The following TNPO1 variants were observed in gnomAD, a reference collection of about 807,000 sequenced individuals.
TNPO1 encodes the protein transportin 1, also known as transportin-1.
A neutral mutation model predicts 119.5 loss-of-function variants in TNPO1; 8 were observed. The ratio of observed to expected loss-of-function variants is 0.07; its 90% CI spans 0.04 to 0.12. TNPO1 has a LOEUF of 0.12. Ranked by LOEUF, TNPO1 falls within the 10% of genes least tolerant of loss-of-function variation. The pLI is 1.00. For missense variants in TNPO1, 576 were observed against 1,089.8 expected (o/e 0.53, Z 6.64); for synonymous variants, 362 against 363.0 (o/e 1.00, Z 0.03).
chr5:72,900,942 TA>T, intron 21 of TNPO1, 31 bp from the exon 22 acceptor site: 2 of 1,510,412 alleles, frequency 1.3e-6, no homozygotes, highest in South Asian at 1.2e-5. Flanking sequence ...GCTTGTTACT[TA>T]AATGCTAAAC....
intron 18 of TNPO1, among the ~76,000 whole-genome samples, chr5:72,896,084 C>T (rs1039789019): frequency 6.6e-6 from 1 of 151,834 alleles, no homozygotes; most frequent in Admixed American, 6.6e-5. Context: ...GTGAAAATTG[C>T]TTTAAAAGCC....
intron 5 of TNPO1, among the ~76,000 whole-genome samples, chr5:72,862,993 TG>T (rs1561320672): frequency 1.1e-3 from 16 of 14,182 alleles, no homozygotes; most frequent in South Asian, 3.1e-3. Context: ...TGTGGGTTTT[TG>T]TGTGTGTGTG....
At chr5:72,847,983 C>T (rs1443813760) in intron 1 of TNPO1, 2 of 888,134 alleles carry the variant, frequency 2.3e-6, no homozygotes, top group Admixed American at 6.2e-5. Flanking sequence ...TTGATAAGGA[C>T]TTGACTTTTT....
chr5:72,854,671 A>G (rs1745843645), intron 3 of TNPO1, among the ~76,000 whole-genome samples: 1 of 152,212 alleles, frequency 6.6e-6, no homozygotes, highest in African/African-American at 2.4e-5. Context: ...TGTTTAATAA[A>G]TCATAAGCAT....
chr5:72,861,063 C>T (rs904487115), intron 4 of TNPO1, among the ~76,000 whole-genome samples: 17 of 152,044 alleles, frequency 1.1e-4, no homozygotes, highest in African/African-American at 3.9e-4. Flanking sequence ...CAGGCATGCA[C>T]CACATGCCCG....
At chr5:72,889,478 T>G (rs1010408131) in intron 13 of TNPO1, among the ~76,000 whole-genome samples, 3 of 145,870 alleles carry the variant, frequency 2.1e-5, no homozygotes, top group East Asian at 2.0e-4. Flanking sequence ...AGTACCTCGG[T>G]TTTTTTTTTT....
intron 1 of TNPO1, among the ~76,000 whole-genome samples, chr5:72,821,959 A>G (rs769080472): frequency 2.0e-5 from 3 of 152,196 alleles, no homozygotes; most frequent in Non-Finnish European, 4.4e-5. Flanking sequence ...GGGCCATACC[A>G]TCTCTACCAC....
At chr5:72,906,199 G>A (rs577640413) in intron 24 of TNPO1, among the ~76,000 whole-genome samples, 1 of 147,114 alleles carries the variant, frequency 6.8e-6, no homozygotes, top group South Asian at 2.2e-4. Flanking sequence ...AACTCAGTTG[G>A]GTTTTGGCCC....
intron 4 of TNPO1, among the ~76,000 whole-genome samples, chr5:72,857,419 A>G (rs558126725): frequency 2.0e-5 from 3 of 152,260 alleles, no homozygotes; most frequent in East Asian, 1.9e-4. Flanking sequence ...ATATTCTTGT[A>G]TTAAACAGTG....
intron 1 of TNPO1, among the ~76,000 whole-genome samples, chr5:72,828,805 A>G (rs1383034968): frequency 6.6e-6 from 1 of 152,000 alleles, no homozygotes; most frequent in Non-Finnish European, 1.5e-5. Context: ...ATGGAGAGGT[A>G]TTTGCAATGA....
At chr5:72,890,090 A>C in intron 14 of TNPO1, 133 bp downstream of exon 14, 1 of 984,058 alleles carries the variant, frequency 1.0e-6, no homozygotes, top group African/African-American at 1.7e-5. Flanking sequence ...AAGAGTATAG[A>C]TCTTACAAAG....
At chr5:72,824,034 C>T (rs1744099910) in intron 1 of TNPO1, among the ~76,000 whole-genome samples, 1 of 152,192 alleles carries the variant, frequency 6.6e-6, no homozygotes, top group African/African-American at 2.4e-5. Flanking sequence ...CACCACTCCA[C>T]ATACCTCTGG....
chr5:72,886,944 C>G (rs1748696270), intron 11 of TNPO1, 126 bp from the exon 12 acceptor site: 2 of 751,418 alleles, frequency 2.7e-6, no homozygotes. Flanking sequence ...AAACTACCTC[C>G]TATTCAATTG....
intron 11 of TNPO1, among the ~76,000 whole-genome samples, chr5:72,886,867 C>G (rs540424989): frequency 8.4e-6 from 1 of 118,622 alleles, no homozygotes; most frequent in East Asian, 2.6e-4. Flanking sequence ...CCAGCCTGAG[C>G]GACAGAACAA....
At position 72,903,803 on chromosome 5, in the gene TNPO1, A is replaced by C; in HGVS notation, c.2589+20A>C. 6.6e-7 allele frequency: 1 copy of C among 1,505,682 alleles called. No homozygotes were observed. Among genetic ancestry groups the C allele is most frequent in the Non-Finnish European group, 9.1e-7 (1 of 1,093,786 alleles). The allele number at this position is 1,505,682 out of a possible 1,614,324, so 93.3% of individuals were successfully genotyped here. On this transcript the variant is annotated intron_variant, in intron 23 of 24. Transcript: ENST00000337273. ...TGTAAGGTAACTAATAAGTCTTTAT[A>C]ATGCATCATCTTGAGACTGTTAATA...
intron 23 of TNPO1, 76 bp downstream of exon 23, chr5:72,903,859 A>AT: frequency 1.3e-5 from 13 of 1,028,168 alleles, no homozygotes; most frequent in Non-Finnish European, 1.9e-5. Context: ...TTATGTTTAC[A>AT]TTTTTTGTGA....
At position 72,850,804 on chromosome 5, in the gene TNPO1, C is replaced by CT. The variant is rs1208597740; in HGVS notation, c.130-432dup. On this transcript the variant is annotated intron_variant, in intron 2 of 24. Transcript: ENST00000337273. ...AAGAACAAATGAGTCTGAGAAGTAT[C>CT]TTTTTTTTAAAAGTTATTCTATAAA... 5.3e-5 allele frequency among the ~76,000 whole-genome samples: 8 copies of CT among 151,948 alleles called. No homozygotes were observed. The East Asian group carries it at 7.7e-4, about 15-fold the overall frequency.
intron 7 of TNPO1, among the ~76,000 whole-genome samples, chr5:72,873,634 AG>A (rs1197090164): frequency 6.6e-6 from 1 of 152,118 alleles, no homozygotes; most frequent in Non-Finnish European, 1.5e-5. Flanking sequence ...TATGCCTGCA[AG>A]GTGTTTTCTT....
chr5:72,833,371 C>A (rs1744562693), intron 1 of TNPO1, among the ~76,000 whole-genome samples: 1 of 152,120 alleles, frequency 6.6e-6, no homozygotes, highest in Non-Finnish European at 1.5e-5. Context: ...CAGGCATGAG[C>A]CACTGCACAC....
Sources: allele counts gnomAD v4.1 joint callset (sites outside exome capture counted in the v4.1 genomes callset), GRCh38; gene constraint gnomAD v4.1.1; transcripts MANE v1.5; gene names NCBI Gene and HGNC (gene_info 2026-07-23, HGNC 2026-07-21).